Variants in ANKFN1 observed in about 807,000 individuals in gnomAD.
The protein encoded by ANKFN1 is ankyrin repeat and fibronectin type-III domain-containing protein 1.
Under a neutral mutation model 108.7 loss-of-function variants are expected in ANKFN1, and 74 were observed. The observed-to-expected ratio is 0.68, with a 90% CI of 0.56 to 0.83. ANKFN1 has a LOEUF of 0.83. ANKFN1 is among the 40% of genes least tolerant of loss of function. The pLI is 0.00. For synonymous variants in ANKFN1, 547 were observed against 516.2 expected, an observed-to-expected ratio of 1.06 and a Z score of -0.81; for missense variants, 1,505 against 1,382.3, an observed-to-expected ratio of 1.09 and a Z score of -1.41.
At chr17:56,118,577 A>G (rs1214388867) in intron 4 of ANKFN1, among the ~76,000 whole-genome samples, 2 of 152,144 alleles carry the variant, frequency 1.3e-5, no homozygotes, top group African/African-American at 4.8e-5. Flanking sequence ...TTAAGGACTT[A>G]TGATATTACA....
chr17:56,059,205 A>C (rs191985296), intron 4 of ANKFN1, among the ~76,000 whole-genome samples: 1,633 of 151,986 alleles, frequency 0.011, 29 homozygotes, highest in African/African-American at 0.03. Context: ...GCTTTTTTTC[A>C]TATGTTTTTT....
intron 3 of ANKFN1, among the ~76,000 whole-genome samples, chr17:56,248,334 G>A (rs1444881733): frequency 6.6e-6 from 1 of 152,180 alleles, no homozygotes; most frequent in Non-Finnish European, 1.5e-5. Context: ...TCTGGCAGAT[G>A]TGTGTCCCTC....
At chr17:56,422,006 G>C (rs991876957) in intron 8 of ANKFN1, among the ~76,000 whole-genome samples, 1 of 152,010 alleles carries the variant, frequency 6.6e-6, no homozygotes, top group Non-Finnish European at 1.5e-5. Flanking sequence ...ACTTTCACCT[G>C]TATTTTTATC....
chr17:56,166,418 T>C (rs1437576455), intron 1 of ANKFN1, among the ~76,000 whole-genome samples: 5 of 152,206 alleles, frequency 3.3e-5, no homozygotes. Context: ...AAATCATCCA[T>C]GCCGTCACTT....
At chr17:56,110,179 CCTT>C (rs1462052092) in intron 4 of ANKFN1, among the ~76,000 whole-genome samples, 2 of 152,218 alleles carry the variant, frequency 1.3e-5, no homozygotes, top group Non-Finnish European at 2.9e-5. Context: ...TTTAAGCTAA[CCTT>C]CTTCTTACTC....
chr17:56,130,522 C>A (rs143544365), intron 4 of ANKFN1, among the ~76,000 whole-genome samples: 1 of 151,902 alleles, frequency 6.6e-6, no homozygotes, highest in East Asian at 1.9e-4. Flanking sequence ...CACTCAAAAT[C>A]GCTGCATCTT....
At chr17:56,197,276 G>A (rs147481802) in intron 1 of ANKFN1, among the ~76,000 whole-genome samples, 1 of 152,088 alleles carries the variant, frequency 6.6e-6, no homozygotes, top group Non-Finnish European at 1.5e-5. Context: ...ATATTTTATC[G>A]ATTACAGTGG....
intron 18 of ANKFN1, among the ~76,000 whole-genome samples, chr17:56,485,474 T>C (rs1430791567): frequency 6.6e-6 from 1 of 152,032 alleles, no homozygotes; most frequent in African/African-American, 2.4e-5. Flanking sequence ...GCAAGAAAGA[T>C]AGGAGATGAG....
chr17:56,340,896 G>T (rs1003687934), intron 4 of ANKFN1, among the ~76,000 whole-genome samples: 3 of 152,112 alleles, frequency 2.0e-5, no homozygotes, highest in Non-Finnish European at 4.4e-5. Flanking sequence ...GCTTTGGGCA[G>T]TATGGCCATT....
chr17:56,410,869 TC>T (rs1177638904), intron 8 of ANKFN1, among the ~76,000 whole-genome samples: 3 of 152,226 alleles, frequency 2.0e-5, no homozygotes, highest in African/African-American at 7.2e-5. Context: ...TCTATTCTGT[TC>T]CTTTGGTTGA....
At chr17:56,133,584 A>G (rs1403552781) in intron 4 of ANKFN1, among the ~76,000 whole-genome samples, 2 of 149,950 alleles carry the variant, frequency 1.3e-5, no homozygotes, top group South Asian at 2.1e-4. Flanking sequence ...ACACATATCT[A>G]TATCTCCTCT....
chr17:56,188,573 G>A lies in ANKFN1; in HGVS notation c.-70-24025G>A, dbSNP rs1201308286. Among the ~76,000 whole-genome samples, 483 of 95,120 alleles carry A rather than the reference G, an allele frequency of 5.1e-3. 3 individuals carry two copies. Among genetic ancestry groups the A allele is most frequent in the Non-Finnish European group, 7.2e-3 (366 of 50,522 alleles). 62.4% of individuals were successfully genotyped at this position (95,120 alleles called of 152,430 possible). ...TGTGTGTGTGTGTGTATGTGTGTGT[G>A]TGTGTGTGTATATATATATATATAT... On this transcript the variant is annotated intron_variant, in intron 1 of 20. Transcript: ENST00000682825.
rs532972312 is a variant in ANKFN1, at chr17:56,125,872, G to A, written c.288+79547G>A. Among the ~76,000 whole-genome samples, 14 of 152,340 alleles carry A rather than the reference G, an allele frequency of 9.2e-5. No individual in the cohort carries two copies. In the East Asian group the frequency reaches 1.5e-3, roughly 17 times the overall value. On this transcript the variant is annotated intron_variant, in intron 4 of 12. Coordinates refer to the ANKFN1 transcript ENST00000635860. Reference sequence around the variant, plus strand: ...CCCACACAGCAGGGGCAGACAGGCCGGCAGGGGCCACCATGGTGCCAGACA... The same window carrying A: ...CCCACACAGCAGGGGCAGACAGGCCAGCAGGGGCCACCATGGTGCCAGACA...
intron 4 of ANKFN1, among the ~76,000 whole-genome samples, chr17:56,137,253 G>A (rs759136192): frequency 1.2e-4 from 18 of 152,186 alleles, no homozygotes; most frequent in African/African-American, 4.1e-4. Flanking sequence ...TTGAATACTG[G>A]CTTTGGAGGT....
chr17:56,497,624 G>A (rs1286587765), intron 19 of ANKFN1, among the ~76,000 whole-genome samples: 1 of 152,120 alleles, frequency 6.6e-6, no homozygotes, highest in Non-Finnish European at 1.5e-5. Flanking sequence ...TAGTGTTTTA[G>A]TTTTAAAACT....
chr17:56,268,716 A>G (rs1188751087), intron 3 of ANKFN1, among the ~76,000 whole-genome samples: 1 of 152,022 alleles, frequency 6.6e-6, no homozygotes, highest in Non-Finnish European at 1.5e-5. Flanking sequence ...TTTTCCAAAT[A>G]CATCTTGTTT....
rs372372027 is a variant in ANKFN1, at chr17:56,488,595, C to T, written c.2261-3592C>T. 1.2e-4 allele frequency among the ~76,000 whole-genome samples: 18 copies of T among 152,294 alleles called. 1 individual carries two copies. The highest frequency in any genetic ancestry group is 4.3e-4 in the African/African-American group (18 of 41,564). ...ATAGTGTCAACCTTCATCCCTAATA[C>T]CCATTTTACATGATTTAAGAGATCA... On this transcript the variant is annotated intron_variant, in intron 18 of 20. Coordinates refer to ENST00000682825, the MANE Select transcript of ANKFN1 (RefSeq NM_001370326.1).
At chr17:56,417,092 G>A (rs142473862) in intron 8 of ANKFN1, among the ~76,000 whole-genome samples, 3 of 151,938 alleles carry the variant, frequency 2.0e-5, no homozygotes, top group African/African-American at 7.2e-5. Context: ...GGAATAGTGG[G>A]GGTGGTTAAT....
intron 3 of ANKFN1, among the ~76,000 whole-genome samples, chr17:56,302,750 C>A (rs2044710002): frequency 6.6e-6 from 1 of 152,074 alleles, no homozygotes; most frequent in African/African-American, 2.4e-5. Flanking sequence ...GCTACCAAAC[C>A]AAGAGACATA....
Sources: gnomAD v4.1 joint callset for allele counts (sites outside exome capture counted in the v4.1 genomes callset) on GRCh38, gnomAD v4.1.1 for gene constraint, MANE v1.5 for transcripts, NCBI Gene and HGNC (gene_info 2026-07-23, HGNC 2026-07-21) for gene names.